Variants in CELF2 observed in about 807,000 individuals in gnomAD.
CELF2 encodes CUG triplet repeat RNA-binding protein 2.
CELF2 carries 8 observed loss-of-function variants against 62.6 expected under a neutral mutation model. That is an observed-to-expected ratio of 0.13 (90% CI 0.07 to 0.23). CELF2 has a LOEUF of 0.23. Among genes scored for constraint, CELF2 ranks in the 10% least tolerant of loss-of-function variants. The probability of loss-of-function intolerance (pLI) is 1.00; values close to 1 mark genes in which losing one functional copy is unlikely to be tolerated. For missense variants in CELF2, 333 were observed against 671.0 expected, an observed-to-expected ratio of 0.50 and a Z score of 5.56; for synonymous variants, 258 against 250.0, an observed-to-expected ratio of 1.03 and a Z score of -0.30.
At chr10:10,644,595 CA>C in the CELF2 span, among the ~76,000 whole-genome samples, 1 of 152,242 alleles carries the variant, frequency 6.6e-6, no homozygotes, top group African/African-American at 2.4e-5. Flanking sequence ...CATCTGCTTC[CA>C]TGATTTTGTC....
At chr10:10,920,533 T>C (rs766717939) in intron 2 of CELF2, among the ~76,000 whole-genome samples, 1 of 152,198 alleles carries the variant, frequency 6.6e-6, no homozygotes, top group African/African-American at 2.4e-5. Flanking sequence ...GAAATTAATA[T>C]GTAATTGATC....
intron 7 of CELF2, among the ~76,000 whole-genome samples, chr10:11,271,170 G>T (rs2083648162): frequency 1.3e-5 from 2 of 152,222 alleles, no homozygotes; most frequent in Admixed American, 1.3e-4. Context: ...GTCTGCGCCA[G>T]CAGGACCTCA....
chr10:10,875,192 G>A (rs915597254), intron 1 of CELF2, among the ~76,000 whole-genome samples: 3 of 152,106 alleles, frequency 2.0e-5, no homozygotes, highest in Non-Finnish European at 2.9e-5. Context: ...CCGATATTCC[G>A]TCTGAAAATT....
intron 1 of CELF2, among the ~76,000 whole-genome samples, chr10:11,125,076 G>GGGA: frequency 6.6e-6 from 1 of 152,126 alleles, no homozygotes; most frequent in South Asian, 2.1e-4. Flanking sequence ...CACTTAGCTG[G>GGGA]ACCATTAAGT....
At chr10:10,746,518 TTTTAAC>T in the CELF2 span, among the ~76,000 whole-genome samples, 6 of 152,344 alleles carry the variant, frequency 3.9e-5, no homozygotes, top group Non-Finnish European at 7.4e-5. Context: ...AAGGAAATCA[TTTTAAC>T]TTTAACTTCT....
chr10:10,531,045 C>T, the CELF2 span, among the ~76,000 whole-genome samples: 21 of 152,180 alleles, frequency 1.4e-4, no homozygotes, highest in African/African-American at 4.8e-4. Flanking sequence ...TCTCTCTGTG[C>T]TTTCACCCTG....
At chr10:10,677,241 G>A in the CELF2 span, among the ~76,000 whole-genome samples, 3 of 152,196 alleles carry the variant, frequency 2.0e-5, no homozygotes, top group African/African-American at 4.8e-5. Flanking sequence ...TTTATACACT[G>A]ACTGAGTGGG....
the CELF2 span, among the ~76,000 whole-genome samples, chr10:10,648,440 C>G: frequency 6.6e-6 from 1 of 152,184 alleles, no homozygotes; most frequent in Non-Finnish European, 1.5e-5. Flanking sequence ...ATCAAAAATG[C>G]TCTTTCATGC....
chr10:10,634,532 T>C, the CELF2 span, among the ~76,000 whole-genome samples: 1 of 152,334 alleles, frequency 6.6e-6, no homozygotes, highest in East Asian at 1.9e-4. Context: ...AAATATTGTA[T>C]ATATTTTGGT....
At chr10:10,872,898 C>T (rs2060842685) in intron 1 of CELF2, among the ~76,000 whole-genome samples, 1 of 152,000 alleles carries the variant, frequency 6.6e-6, no homozygotes, top group African/African-American at 2.4e-5. Context: ...GTGAGAGGTT[C>T]TGAGGTCTTG....
At chr10:11,034,831 G>T in intron 1 of CELF2, among the ~76,000 whole-genome samples, 1 of 151,966 alleles carries the variant, frequency 6.6e-6, no homozygotes, top group African/African-American at 2.4e-5. Context: ...TAATTTACCC[G>T]GGATTGGGAA....
chr10:10,552,552 T>C, the CELF2 span, among the ~76,000 whole-genome samples: 1 of 152,146 alleles, frequency 6.6e-6, no homozygotes, highest in African/African-American at 2.4e-5. Context: ...AAAAGCTAAA[T>C]GTTTCCAGCC....
At chr10:11,031,375 T>C (rs1052032949) in intron 1 of CELF2, among the ~76,000 whole-genome samples, 4 of 152,192 alleles carry the variant, frequency 2.6e-5, no homozygotes, top group Non-Finnish European at 5.9e-5. Context: ...ATCATTACAC[T>C]TTCAGCCACT....
chr10:11,170,838 A>G lies in CELF2; in HGVS notation c.271+5156A>G, dbSNP rs146832852. ...TAATGTGTTAGTTAATCAAAGTTAC[A>G]ATCCCAAATCATAGCACTCTGAGAA... On this transcript the variant is annotated intron_variant, in intron 2 of 12. Coordinates refer to ENST00000633077, the MANE Select transcript of CELF2 (RefSeq NM_001326342.2). 1.8e-4 allele frequency among the ~76,000 whole-genome samples: 28 copies of G among 152,356 alleles called. No homozygotes were observed. In the East Asian group the frequency reaches 5.4e-3, roughly 29 times the overall value.
At position 11,207,124 on chromosome 10, in the gene CELF2, C is replaced by T. The variant is rs557880031; in HGVS notation, c.272-10301C>T. On this transcript the variant is annotated intron_variant, in intron 2 of 12. Coordinates refer to ENST00000633077, the MANE Select transcript of CELF2 (RefSeq NM_001326342.2). This position sits in a 1 kb window ranked among gnomAD's most constrained non-coding sequence, Gnocchi z 4.1. The stretch of plus-strand genomic sequence containing the variant: ...CCCTTGTTACCTTTTCTATCTGTGT[C>T]GTGCTTTGGTGGAATTTACATAATC... Among the ~76,000 whole-genome samples the T allele has an allele frequency of 4.6e-5, 7 of 152,332 alleles. No homozygotes were observed. The highest frequency in any genetic ancestry group is 1.4e-4 in the African/African-American group (6 of 41,586).
rs139501237 is a variant in CELF2, at chr10:11,323,265, G to C, written c.1294+1879G>C. 3.3e-5 allele frequency among the ~76,000 whole-genome samples: 5 copies of C among 151,868 alleles called. No homozygotes were observed. The East Asian group carries it at 9.7e-4, about 29-fold the overall frequency. On this transcript the variant is annotated intron_variant, in intron 11 of 12. Coordinates refer to ENST00000633077, the MANE Select transcript of CELF2 (RefSeq NM_001326342.2). ...TTCAGTAGCATGCTTTTGGGTTTTT[G>C]ATTTGTTCAGTTTTTCTTTGGAATC... is the stretch of plus-strand genomic sequence containing the variant.
At chr10:10,669,682 G>T in the CELF2 span, among the ~76,000 whole-genome samples, 65 of 152,276 alleles carry the variant, frequency 4.3e-4, no homozygotes, top group African/African-American at 1.5e-3. Flanking sequence ...ACCCCAGCTG[G>T]ATTAGTCATT....
chr10:11,309,091 T>C lies in CELF2; in HGVS notation c.977-5048T>C, dbSNP rs1013263096. ...ATCATATTTATAATAGCTGCTTTCA[T>C]GTCTTTGTCCACCAAGTCTAACATC... On this transcript the variant is annotated intron_variant, in intron 9 of 12. Transcript: ENST00000633077. This position sits in a 1 kb window ranked among gnomAD's most constrained non-coding sequence, Gnocchi z 5.6. Among the ~76,000 whole-genome samples, 2 of 152,258 alleles carry C rather than the reference T, an allele frequency of 1.3e-5. No individual in the cohort carries two copies. Among genetic ancestry groups the C allele is most frequent in the African/African-American group, 4.8e-5 (2 of 41,472 alleles).
the CELF2 span, among the ~76,000 whole-genome samples, chr10:10,575,066 T>C: frequency 6.6e-6 from 1 of 152,112 alleles, no homozygotes; most frequent in Non-Finnish European, 1.5e-5. Flanking sequence ...TAGTTGTTCT[T>C]ATTAAAAATG....
Sources: allele counts gnomAD v4.1 joint callset (sites outside exome capture counted in the v4.1 genomes callset), GRCh38; gene constraint gnomAD v4.1.1; non-coding constraint Gnocchi (gnomAD v3.1); transcripts MANE v1.5; gene names NCBI Gene and HGNC (gene_info 2026-07-23, HGNC 2026-07-21).